The following ABCA6 variants were observed in gnomAD, a reference collection of about 807,000 sequenced individuals.
The protein encoded by ABCA6 is ATP-binding cassette sub-family A member 6.
In ABCA6, 164 loss-of-function variants were observed where a neutral mutation model predicts 191.2. That is an observed-to-expected ratio of 0.86 (90% confidence interval 0.76 to 0.98). The LOEUF (loss-of-function observed/expected upper bound fraction) is 0.98. Among genes scored for constraint, ABCA6 ranks in the 50% least tolerant of loss-of-function variants. ABCA6 has a pLI of 0.00. For missense variants in ABCA6, 1,958 were observed against 1,894.1 expected (o/e 1.03, Z -0.63); for synonymous variants, 636 against 647.7 (o/e 0.98, Z 0.27).
At position 69,081,114 on chromosome 17, in the gene ABCA6, C is replaced by T. The variant is rs148075714; in HGVS notation, c.4648G>A (p.Val1550Met). The change falls in exon 37 of 39, where the codon GTG becomes ATG. Residue 1550 changes from valine to methionine, a missense_variant. Transcript: ENST00000284425. Reference sequence around the variant, plus strand: ...TGTGATAGAGGGTAAACGTCTGCCACGGGCAGCTTATAGGTTAACAAAGAG... The same window carrying T: ...TGTGATAGAGGGTAAACGTCTGCCATGGGCAGCTTATAGGTTAACAAAGAG... ...YSSLLTYKLPVADVYPLSQTF... is the reference protein window; with the variant it reads ...YSSLLTYKLPMADVYPLSQTF... 4.4e-5 allele frequency: 70 copies of T among 1,603,132 alleles called. No individual in the cohort carries two copies. The Middle Eastern group carries it at 5.0e-4, about 11-fold the overall frequency.
chr17:69,113,870 C>A (rs549430301), intron 13 of ABCA6, 133 bp from the exon 14 acceptor site: 3 of 633,272 alleles, frequency 4.7e-6, no homozygotes, highest in Non-Finnish European at 7.9e-6. Context: ...TGAGATATCA[C>A]CTCACACCAG....
At chr17:69,094,644 C>T in intron 25 of ABCA6, 1 of 163,744 alleles carries the variant, frequency 6.1e-6, no homozygotes, top group Admixed American at 6.2e-5. Flanking sequence ...ATCACTGATG[C>T]TGAATGCTCT....
At chr17:69,079,669 A>G (rs964532236) in intron 37 of ABCA6, among the ~76,000 whole-genome samples, 1 of 152,162 alleles carries the variant, frequency 6.6e-6, no homozygotes, top group Non-Finnish European at 1.5e-5. Context: ...TTCCCCACCA[A>G]AAAGTCTGCA....
Position 69,091,176 on chromosome 17 carries a change from A to G in ABCA6, c.3495T>C (p.Tyr1165=), listed in dbSNP as rs962457532. 10 of 1,611,712 alleles carry G rather than the reference A, an allele frequency of 6.2e-6. No homozygotes were observed. The highest frequency in any genetic ancestry group is 7.6e-6 in the Non-Finnish European group (9 of 1,179,350). The stretch of plus-strand genomic sequence containing the variant: ...AAAAAGTTTTAAATCCAAGCAAGGT[A>G]TATGAAGGAACCAATACCATGGTGG... ...LITTMVLVPS[Y]TLLGFKTFLE... is the part of the protein sequence containing the mutation. Residue 1165 remains tyrosine, a synonymous_variant, in exon 26 of 39, where the codon TAT becomes TAC. Coordinates refer to ENST00000284425, the MANE Select transcript of ABCA6 (RefSeq NM_080284.3).
Position 69,085,066 on chromosome 17 carries a change from C to G in ABCA6, c.4146G>C (p.Lys1382Asn), listed in dbSNP as rs1251154359. Residue 1382 changes from lysine to asparagine, a missense_variant, in exon 32 of 39, where the codon AAG becomes AAC. Transcript: ENST00000284425. ...GCCTCGCGTCCGCTTTCCTGAGCCC[C>G]TTGACGGCAGCATACACCTCCAGGT... ...REHLEVYAAV[K>N]GLRKADARLA... is the part of the protein sequence containing the mutation. 6 of 1,613,366 alleles carry G rather than the reference C, an allele frequency of 3.7e-6. No homozygotes were observed. In the African/African-American group the frequency reaches 4.0e-5, roughly 11 times the overall value.
intron 36 of ABCA6, among the ~76,000 whole-genome samples, chr17:69,081,516 G>A (rs1256608689): frequency 1.3e-5 from 2 of 152,008 alleles, no homozygotes; most frequent in Non-Finnish European, 2.9e-5. Context: ...TTTTTTTAAT[G>A]AATGAATTTT....
chr17:69,121,304 T>G (rs2073636226), intron 10 of ABCA6, among the ~76,000 whole-genome samples: 1 of 152,092 alleles, frequency 6.6e-6, no homozygotes, highest in East Asian at 1.9e-4. Flanking sequence ...AGTTTTAGAC[T>G]GCCTTGCAGC....
At chr17:69,103,905 G>T (rs1016424307) in intron 20 of ABCA6, 3 of 13,050 alleles carry the variant, frequency 2.3e-4, no homozygotes, top group Non-Finnish European at 6.0e-4. Context: ...AAGAGGAAAA[G>T]AAGGACTTTT....
chr17:69,098,655 A>C (rs2073105920), intron 22 of ABCA6: 2 of 148,398 alleles, frequency 1.3e-5, no homozygotes, highest in African/African-American at 2.4e-5. Flanking sequence ...AAAGAAGGAA[A>C]TCCTGTCACA....
At chr17:69,133,161 C>CA (rs1400285549) in intron 6 of ABCA6, among the ~76,000 whole-genome samples, 1 of 152,110 alleles carries the variant, frequency 6.6e-6, no homozygotes, top group Non-Finnish European at 1.5e-5. Flanking sequence ...TTACTTGCTC[C>CA]AAAAAATCTA....
intron 22 of ABCA6, among the ~76,000 whole-genome samples, chr17:69,100,220 T>C (rs1045317753): frequency 6.6e-6 from 1 of 152,206 alleles, no homozygotes; most frequent in African/African-American, 2.4e-5. Flanking sequence ...TCTGCTCTTC[T>C]GTCTCCCACC....
chr17:69,136,016 C>G (rs765939041), intron 4 of ABCA6, 76 bp downstream of exon 4: 36 of 1,388,842 alleles, frequency 2.6e-5, no homozygotes, highest in Non-Finnish European at 3.0e-5. Context: ...GAAAGCATCT[C>G]TGTTGCCCAA....
At chr17:69,132,254 T>C (rs2073876924) in intron 6 of ABCA6, among the ~76,000 whole-genome samples, 1 of 152,140 alleles carries the variant, frequency 6.6e-6, no homozygotes, top group Admixed American at 6.6e-5. Context: ...GGGGCATAGA[T>C]AGAAAAACAT....
At position 69,110,934 on chromosome 17, in the gene ABCA6, A is replaced by G. The variant is rs2073410794; in HGVS notation, c.2139T>C (p.His713=). 1 of 1,590,496 alleles carries G rather than the reference A, an allele frequency of 6.3e-7. No homozygotes were observed. The highest frequency in any genetic ancestry group is 8.5e-7 in the Non-Finnish European group (1 of 1,171,678). ...GTTCTGGGTTACATATTTCATTCCT[A>G]TGTAAACTAATATTTAAAAGAAAAG... ...RWGLGYHLSL[H]RNEICNPEQI... is the part of the protein sequence containing the mutation. The change falls in exon 17 of 39, where the codon CAT becomes CAC. Residue 713 remains histidine, a synonymous_variant. Coordinates refer to ENST00000284425, the MANE Select transcript of ABCA6 (RefSeq NM_080284.3).
rs761399126 is a variant in ABCA6 at position 69,114,927 on chromosome 17, G to A, written c.1617C>T (p.Thr539=). Residue 539 remains threonine, a synonymous_variant, in exon 13 of 39, where the codon ACC becomes ACT. Transcript: ENST00000284425. The part of the protein sequence containing the change: ...GLSVPTEGSV[T]IYNKNLSEMQ... ...TTTCAGAGAGATTTTTATTATAGAT[G>A]GTAACTGATCCTAAGAATAGAAGTT... The A allele has an allele frequency of 1.9e-6, 3 of 1,604,432 alleles. No individual in the cohort carries two copies. Among genetic ancestry groups the A allele is most frequent in the East Asian group, 2.2e-5 (1 of 44,468 alleles).
chr17:69,118,842 A>G (rs1013029088), intron 10 of ABCA6, among the ~76,000 whole-genome samples: 1 of 151,938 alleles, frequency 6.6e-6, no homozygotes, highest in Non-Finnish European at 1.5e-5. Context: ...TTGTTTTAGC[A>G]TCAACCTAAT....
In ABCA6 at chr17:69,087,416, A is replaced by G. The variant is rs1260354082; in HGVS notation, c.3756T>C (p.Asp1252=). The change falls in exon 29 of 39, where the codon GAT becomes GAC. Residue 1252 remains aspartate, a synonymous_variant. Coordinates refer to ENST00000284425, the MANE Select transcript of ABCA6 (RefSeq NM_080284.3). ...TTATTCTTTCTGTTTGAATATCTTC[A>G]TCTTCATCTATGGGTTCTTCTGGAT... ...KPNPEEPIDE[D]EDIQTERIRT... The G allele has an allele frequency of 6.8e-6, 11 of 1,613,868 alleles. No individual in the cohort carries two copies.
At chr17:69,132,588 C>CT (rs1393547236) in intron 6 of ABCA6, among the ~76,000 whole-genome samples, 3 of 152,178 alleles carry the variant, frequency 2.0e-5, no homozygotes, top group African/African-American at 7.2e-5. Context: ...TCCAGCAATT[C>CT]TCCTGCTTCA....
At chr17:69,122,347 T>C (rs1222991450) in intron 10 of ABCA6, among the ~76,000 whole-genome samples, 1 of 152,098 alleles carries the variant, frequency 6.6e-6, no homozygotes, top group East Asian at 1.9e-4. Flanking sequence ...TACCAAACTT[T>C]GTAGAAAAAT....
Sources: gnomAD v4.1 joint callset for allele counts (sites outside exome capture counted in the v4.1 genomes callset) on GRCh38, gnomAD v4.1.1 for gene constraint, MANE v1.5 for transcripts, NCBI Gene and HGNC (gene_info 2026-07-23, HGNC 2026-07-21) for gene names.